Variants in CTNNA3 observed in about 807,000 individuals in gnomAD.
CTNNA3 encodes the protein catenin alpha 3.
A neutral mutation model predicts 95.7 loss-of-function variants in CTNNA3; 76 were observed. The ratio of observed to expected loss-of-function variants is 0.79; its 90% CI spans 0.66 to 0.96. CTNNA3 has a LOEUF of 0.96. Among genes scored for constraint, CTNNA3 ranks in the 40% least tolerant of loss-of-function variants. CTNNA3 has a pLI of 0.00. For missense variants in CTNNA3, 1,191 were observed against 1,089.8 expected (o/e 1.09, Z -1.31); for synonymous variants, 431 against 374.4 (o/e 1.15, Z -1.74).
chr10:67,624,435 A>C (rs983878931), intron 2 of CTNNA3, among the ~76,000 whole-genome samples: 1 of 152,306 alleles, frequency 6.6e-6, no homozygotes, highest in South Asian at 2.1e-4. Flanking sequence ...CCAAGTTGAC[A>C]CATTTCCCCT....
intron 17 of CTNNA3, among the ~76,000 whole-genome samples, chr10:65,946,587 T>A (rs1564531753): frequency 6.6e-6 from 1 of 152,208 alleles, no homozygotes; most frequent in Non-Finnish European, 1.5e-5. Context: ...ATTTATATTT[T>A]CAGGTCAGTT....
intron 7 of CTNNA3, among the ~76,000 whole-genome samples, chr10:67,083,299 C>T (rs1589714497): frequency 1.3e-5 from 2 of 152,042 alleles, no homozygotes; most frequent in African/African-American, 4.8e-5. Flanking sequence ...ATTTAATACA[C>T]TATGAAGACC....
At chr10:66,303,711 T>G (rs1002741323) in intron 12 of CTNNA3, among the ~76,000 whole-genome samples, 6 of 152,142 alleles carry the variant, frequency 3.9e-5, no homozygotes, top group Non-Finnish European at 7.4e-5. Flanking sequence ...CTCAGCTCAC[T>G]GCAACCTCCT....
intron 9 of CTNNA3, among the ~76,000 whole-genome samples, chr10:66,735,145 T>C (rs1849092782): frequency 6.6e-6 from 1 of 151,876 alleles, no homozygotes; most frequent in Admixed American, 6.6e-5. Flanking sequence ...ACCTTAATAT[T>C]GAATTTTGCT....
intron 5 of CTNNA3, among the ~76,000 whole-genome samples, chr10:67,248,421 G>GT (rs1865985220): frequency 6.6e-6 from 1 of 151,956 alleles, no homozygotes; most frequent in African/African-American, 2.4e-5. Flanking sequence ...TTTTTGTTTT[G>GT]TTTGTTTGTT....
chr10:66,438,421 A>G (rs2093352879), intron 11 of CTNNA3, among the ~76,000 whole-genome samples: 1 of 152,186 alleles, frequency 6.6e-6, no homozygotes, highest in Non-Finnish European at 1.5e-5. Context: ...CTAGAGAGGC[A>G]GTCTGGCTAC....
At chr10:66,471,544 A>T in intron 11 of CTNNA3, among the ~76,000 whole-genome samples, 1 of 151,774 alleles carries the variant, frequency 6.6e-6, no homozygotes, top group East Asian at 1.9e-4. Context: ...TTTATTTTAC[A>T]TCAACAATTT....
chr10:66,686,301 C>CA (rs35766917), intron 9 of CTNNA3, among the ~76,000 whole-genome samples: 83,973 of 151,668 alleles, frequency 0.55, 23,981 homozygotes, highest in African/African-American at 0.68. Context: ...CCCATCTCTA[C>CA]AAAAAATATG....
chr10:66,069,277 G>A (rs1214800155), intron 15 of CTNNA3, 31 bp downstream of exon 15: 1 of 1,594,212 alleles, frequency 6.3e-7, no homozygotes. Flanking sequence ...CAGCCATTAT[G>A]AATATTACAC....
rs529852339 is a variant in CTNNA3 at position 67,020,290 on chromosome 10, C to T, written c.1047+160027G>A. ...GGAGGGGAAGCAAGGGGTTGACAAG[C>T]GCTCAAATATACAGCCTCATGTTAA... On this transcript the variant is annotated intron_variant, in intron 7 of 17. Coordinates refer to ENST00000433211, the MANE Select transcript of CTNNA3 (RefSeq NM_013266.4). Among the ~76,000 whole-genome samples, 81 of 152,234 alleles carry T rather than the reference C, an allele frequency of 5.3e-4. 1 individual carries two copies. Among genetic ancestry groups the T allele is most frequent in the South Asian group, 2.1e-4 (1 of 4,826 alleles).
intron 13 of CTNNA3, among the ~76,000 whole-genome samples, chr10:66,258,087 C>T (rs891062129): frequency 1.3e-5 from 2 of 152,174 alleles, no homozygotes; most frequent in African/African-American, 4.8e-5. Context: ...TCCACCTTTT[C>T]GGACAGGCCC....
chr10:66,234,405 A>G (rs184501650), intron 13 of CTNNA3, among the ~76,000 whole-genome samples: 1 of 152,320 alleles, frequency 6.6e-6, no homozygotes, highest in Non-Finnish European at 1.5e-5. Context: ...ACATTCACAT[A>G]CAGCCAAACA....
chr10:67,362,482 T>A (rs1843024198), intron 5 of CTNNA3, among the ~76,000 whole-genome samples: 3 of 152,168 alleles, frequency 2.0e-5, no homozygotes, highest in Admixed American at 2.0e-4. Context: ...TGCAAATCAA[T>A]AAATGTGATT....
In CTNNA3 at chr10:67,207,003, C is replaced by T. The variant is rs769618882; in HGVS notation, c.843+12604G>A. Among the ~76,000 whole-genome samples, 19 of 152,008 alleles carry T rather than the reference C, an allele frequency of 1.2e-4. 1 individual carries two copies. Among genetic ancestry groups the T allele is most frequent in the South Asian group, 6.3e-4 (3 of 4,796 alleles). ...AAAATTAGCTGGGCGTGGTGGCAGG[C>T]GCCTGTAATACCAGCTACTCAGGAG... On this transcript the variant is annotated intron_variant, in intron 6 of 17. Coordinates refer to ENST00000433211, the MANE Select transcript of CTNNA3 (RefSeq NM_013266.4).
chr10:67,012,778 G>T (rs1852420875), intron 7 of CTNNA3, among the ~76,000 whole-genome samples: 1 of 151,932 alleles, frequency 6.6e-6, no homozygotes, highest in Non-Finnish European at 1.5e-5. Flanking sequence ...ATTTTTGTTG[G>T]AATTCACGAG....
intron 7 of CTNNA3, chr10:67,098,345 T>C (rs1017382193): frequency 6.6e-6 from 1 of 152,642 alleles, no homozygotes; most frequent in Non-Finnish European, 1.5e-5. Flanking sequence ...ATTTTTATTA[T>C]GCTTACTGCG....
intron 11 of CTNNA3, among the ~76,000 whole-genome samples, chr10:66,439,011 C>T (rs1258046568): frequency 6.6e-6 from 1 of 151,958 alleles, no homozygotes; most frequent in South Asian, 2.1e-4. Flanking sequence ...GGTCACCCTC[C>T]ATGGGCTGCA....
intron 5 of CTNNA3, among the ~76,000 whole-genome samples, chr10:67,367,411 A>T (rs1296694031): frequency 6.6e-6 from 1 of 152,196 alleles, no homozygotes; most frequent in Non-Finnish European, 1.5e-5. Context: ...AAGTCAAAAA[A>T]AAAACAGATG....
At chr10:66,900,723 T>C (rs1406708579) in intron 7 of CTNNA3, among the ~76,000 whole-genome samples, 1 of 152,094 alleles carries the variant, frequency 6.6e-6, no homozygotes, top group African/African-American at 2.4e-5. Flanking sequence ...GAGAACTTCA[T>C]GACACAGGCA....
Sources: gnomAD v4.1 joint callset for allele counts (sites outside exome capture counted in the v4.1 genomes callset) on GRCh38, gnomAD v4.1.1 for gene constraint, MANE v1.5 for transcripts, NCBI Gene and HGNC (gene_info 2026-07-23, HGNC 2026-07-21) for gene names.